The following PTPRN2 variants were observed in gnomAD, a reference collection of about 807,000 sequenced individuals.
PTPRN2 encodes protein tyrosine phosphatase receptor type N2, also known as receptor-type tyrosine-protein phosphatase N2.
In PTPRN2, 74 loss-of-function variants were observed where a neutral mutation model predicts 118.8. The ratio of observed to expected loss-of-function variants is 0.62; its 90% CI spans 0.52 to 0.76. The LOEUF (loss-of-function observed/expected upper bound fraction) is 0.76, where lower values mean the gene tolerates loss of function less well. Among genes scored for constraint, PTPRN2 ranks in the 30% least tolerant of loss-of-function variants. PTPRN2 has a pLI of 0.00. For synonymous variants in PTPRN2, 641 were observed against 608.0 expected (o/e 1.05, Z -0.80); for missense variants, 1,481 against 1,394.4 (o/e 1.06, Z -0.99).
At chr7:158,332,835 G>A (rs1393038309) in intron 2 of PTPRN2, among the ~76,000 whole-genome samples, 4 of 149,490 alleles carry the variant, frequency 2.7e-5, no homozygotes, top group South Asian at 2.1e-4. Context: ...CACCATAAGA[G>A]GTGACACATG....
At chr7:157,997,450 C>A (rs892958467) in intron 11 of PTPRN2, among the ~76,000 whole-genome samples, 1 of 152,246 alleles carries the variant, frequency 6.6e-6, no homozygotes, top group African/African-American at 2.4e-5. Flanking sequence ...CGCCTGGAGC[C>A]CAGGTTCCTC....
At chr7:158,189,914 G>C (rs1007900401) in intron 5 of PTPRN2, among the ~76,000 whole-genome samples, 1 of 152,196 alleles carries the variant, frequency 6.6e-6, no homozygotes, top group Non-Finnish European at 1.5e-5. Flanking sequence ...GAGGGTGGGA[G>C]AAATGCCAGT....
At chr7:158,541,669 T>C in intron 1 of PTPRN2, 1 of 1,328,398 alleles carries the variant, frequency 7.5e-7, no homozygotes, top group Non-Finnish European at 9.9e-7. Flanking sequence ...GTACGAACGT[T>C]AGTTAATCTG....
In PTPRN2 at chr7:158,402,774, C is replaced by T. The variant is rs145736736; in HGVS notation, c.164-85842G>A. 2.0e-5 allele frequency among the ~76,000 whole-genome samples: 3 copies of T among 152,286 alleles called. No individual in the cohort carries two copies. In the East Asian group the frequency reaches 5.8e-4, roughly 29 times the overall value. ...GGGCCATGGCCAGGCAGGGTGGTGT[C>T]ATGGACAGCTCTGGTCCCACGGTGG... On this transcript the variant is annotated intron_variant, in intron 2 of 22. Coordinates refer to ENST00000389418, the MANE Select transcript of PTPRN2 (RefSeq NM_002847.5).
chr7:158,462,051 T>A (rs1373117641), intron 2 of PTPRN2, among the ~76,000 whole-genome samples: 1 of 142,884 alleles, frequency 7.0e-6, no homozygotes, highest in African/African-American at 2.6e-5. Flanking sequence ...CCTTCCATGC[T>A]TTCAGACCCC....
intron 2 of PTPRN2, among the ~76,000 whole-genome samples, chr7:158,328,620 G>A (rs1388892770): frequency 6.6e-6 from 1 of 152,172 alleles, no homozygotes; most frequent in African/African-American, 2.4e-5. Flanking sequence ...CCTTGTGTGA[G>A]GAGCAGGGCC....
intron 15 of PTPRN2, among the ~76,000 whole-genome samples, chr7:157,604,356 T>C (rs1801879482): frequency 1.3e-5 from 2 of 152,264 alleles, no homozygotes; most frequent in South Asian, 4.2e-4. Flanking sequence ...CATCCTCCCC[T>C]CCGTTTGTGA....
At chr7:157,932,953 T>A (rs567095246) in intron 11 of PTPRN2, among the ~76,000 whole-genome samples, 15 of 139,072 alleles carry the variant, frequency 1.1e-4, no homozygotes, top group African/African-American at 3.8e-4. Context: ...GAGGGGTGAG[T>A]CACTCATTGA....
Position 157,861,359 on chromosome 7 carries a change from G to C in PTPRN2, c.1788+37314C>G, listed in dbSNP as rs1013342201. Among the ~76,000 whole-genome samples, 7 of 152,252 alleles carry C rather than the reference G, an allele frequency of 4.6e-5. No homozygotes were observed. Among genetic ancestry groups the C allele is most frequent in the Non-Finnish European group, 8.8e-5 (6 of 68,038 alleles). Reference sequence around the variant, plus strand: ...GGCTGGAGCTCGGCCAAGGAGCCCGGGTCCCTTCAGTCTGCGCTCCCTGCG... The same window carrying C: ...GGCTGGAGCTCGGCCAAGGAGCCCGCGTCCCTTCAGTCTGCGCTCCCTGCG... On this transcript the variant is annotated intron_variant, in intron 12 of 22. Coordinates refer to ENST00000389418, the MANE Select transcript of PTPRN2 (RefSeq NM_002847.5). The surrounding 1 kb of genome is among the most constrained non-coding windows in gnomAD (Gnocchi z 5.8).
intron 11 of PTPRN2, among the ~76,000 whole-genome samples, chr7:157,948,571 G>C: frequency 6.6e-6 from 1 of 152,230 alleles, no homozygotes; most frequent in East Asian, 1.9e-4. Flanking sequence ...ACAGAAACCA[G>C]CAGCAAAGTG....
At chr7:157,670,261 C>T (rs1401591706) in intron 13 of PTPRN2, among the ~76,000 whole-genome samples, 4 of 152,280 alleles carry the variant, frequency 2.6e-5, no homozygotes, top group East Asian at 1.9e-4. Context: ...ACGGGACCCG[C>T]GGTCAGCTGC....
At chr7:158,430,735 A>G (rs1816109668) in intron 2 of PTPRN2, among the ~76,000 whole-genome samples, 1 of 152,218 alleles carries the variant, frequency 6.6e-6, no homozygotes, top group Non-Finnish European at 1.5e-5. Context: ...CCAGGAAGCA[A>G]GGCCAGCTCA....
At chr7:158,319,610 T>TGTACACACACAGCCTCCCTC (rs1802714575) in intron 2 of PTPRN2, among the ~76,000 whole-genome samples, 2 of 4,072 alleles carry the variant, frequency 4.9e-4, no homozygotes, top group Non-Finnish European at 1.1e-3. Flanking sequence ...CAGCCTCCCT[T>TGTACACACACAGCCTCCCTC]GTACACACAC....
chr7:158,199,797 A>G (rs1177668535), intron 4 of PTPRN2, among the ~76,000 whole-genome samples: 1 of 131,172 alleles, frequency 7.6e-6, no homozygotes, highest in Non-Finnish European at 1.6e-5. Context: ...CCATCTGGTG[A>G]AGGGCACAGG....
chr7:157,615,602 C>T lies in PTPRN2; in HGVS notation c.2344+5760G>A, dbSNP rs759064966. Reference sequence around the variant, plus strand: ...GAAGTCCCGCGGTGGATCCGCGTCACGGGGGAGGATTGGCTCAGCACTGGT... The same window carrying T: ...GAAGTCCCGCGGTGGATCCGCGTCATGGGGGAGGATTGGCTCAGCACTGGT... On this transcript the variant is annotated intron_variant, in intron 15 of 22. Coordinates refer to ENST00000389418, the MANE Select transcript of PTPRN2 (RefSeq NM_002847.5). This position sits in a 1 kb window ranked among gnomAD's most constrained non-coding sequence, Gnocchi z 4.3. 8 of 471,176 alleles carry T rather than the reference C, an allele frequency of 1.7e-5. No homozygotes were observed. The highest frequency in any genetic ancestry group is 9.3e-5 in the South Asian group (6 of 64,560). The allele number at this position is 471,176 out of a possible 1,614,324, so 29.2% of individuals were successfully genotyped here.
At chr7:157,737,566 CCCATCCCCTGG>C (rs1239965222) in intron 12 of PTPRN2, among the ~76,000 whole-genome samples, 2 of 152,268 alleles carry the variant, frequency 1.3e-5, no homozygotes, top group Non-Finnish European at 2.9e-5. Flanking sequence ...GCAGCAAGTT[CCCATCCCCTGG>C]CCTGGCTTCT....
At position 158,570,143 on chromosome 7, in the gene PTPRN2, T is replaced by C. The variant is rs976701136; in HGVS notation, c.112+17415A>G. On this transcript the variant is annotated intron_variant, in intron 1 of 22. Coordinates refer to ENST00000389418, the MANE Select transcript of PTPRN2 (RefSeq NM_002847.5). The surrounding 1 kb of genome is among the most constrained non-coding windows in gnomAD (Gnocchi z 4.5). ...GGGCCCCAGGCTCTCCGCGGAGCCG[T>C]CTCCAACCCCTGCAGGCCGACCTGG... Among the ~76,000 whole-genome samples the C allele has an allele frequency of 2.0e-5, 3 of 151,734 alleles. No homozygotes were observed. Among genetic ancestry groups the C allele is most frequent in the Non-Finnish European group, 2.9e-5 (2 of 67,928 alleles).
chr7:157,830,837 G>A (rs967441715), intron 12 of PTPRN2, among the ~76,000 whole-genome samples: 1 of 152,232 alleles, frequency 6.6e-6, no homozygotes, highest in Non-Finnish European at 1.5e-5. Context: ...TAAAAAGCAA[G>A]CTATTGGGAC....
intron 16 of PTPRN2, 150 bp from the exon 17 acceptor site, chr7:157,595,465 GGGTTAGGAAGCCAGGA>G: frequency 1.6e-6 from 1 of 627,182 alleles, no homozygotes; most frequent in Non-Finnish European, 2.7e-6. Flanking sequence ...GGAAACCTGG[GGGTTAGGAAGCCAGGA>G]GGTTAGGAAG....
Sources: gnomAD v4.1 joint callset for allele counts (sites outside exome capture counted in the v4.1 genomes callset) on GRCh38, gnomAD v4.1.1 for gene constraint, Gnocchi (gnomAD v3.1) non-coding constraint, MANE v1.5 for transcripts, NCBI Gene and HGNC (gene_info 2026-07-23, HGNC 2026-07-21) for gene names.